Variants in ADGRB3 observed in about 807,000 individuals in gnomAD.
ADGRB3 encodes the protein adhesion G protein-coupled receptor B3.
ADGRB3 carries 37 observed loss-of-function variants against 193.4 expected under a neutral mutation model. The ratio of observed to expected loss-of-function variants is 0.19; its 90% CI spans 0.15 to 0.25. The LOEUF (loss-of-function observed/expected upper bound fraction) is 0.25, where lower values mean the gene tolerates loss of function less well. Ranked by LOEUF, ADGRB3 falls within the 10% of genes least tolerant of loss-of-function variation. ADGRB3 has a pLI of 1.00. For missense variants in ADGRB3, 1,637 were observed against 1,852.9 expected (o/e 0.88, Z 2.14); for synonymous variants, 690 against 644.2 (o/e 1.07, Z -1.08).
chr6:68,678,611 G>A (rs1764817814), intron 3 of ADGRB3, among the ~76,000 whole-genome samples: 1 of 152,120 alleles, frequency 6.6e-6, no homozygotes, highest in African/African-American at 2.4e-5. Flanking sequence ...GTTGGATGAA[G>A]TAAATGATCT....
chr6:68,893,675 C>A (rs1029454811), intron 3 of ADGRB3, among the ~76,000 whole-genome samples: 4 of 151,794 alleles, frequency 2.6e-5, no homozygotes, highest in South Asian at 2.1e-4. Context: ...TGAAACAAAG[C>A]GAGCATATTT....
chr6:69,190,492 C>T lies in ADGRB3; in HGVS notation c.2481-42798C>T, dbSNP rs140087191. 1.3e-3 allele frequency among the ~76,000 whole-genome samples: 194 copies of T among 151,638 alleles called. 3 individuals are homozygous for T. The highest frequency in any genetic ancestry group is 2.1e-4 in the Non-Finnish European group (14 of 67,880). ...CTGTGTTTTAAGTTATGTCTCAATA[C>T]GAGTCAAAAAGTTAAAAAATATTAA... On this transcript the variant is annotated intron_variant, in intron 17 of 31. Coordinates refer to ENST00000370598, the MANE Select transcript of ADGRB3 (RefSeq NM_001704.3).
At chr6:68,638,368 A>C (rs1768003483) in intron 2 of ADGRB3, among the ~76,000 whole-genome samples, 1 of 152,238 alleles carries the variant, frequency 6.6e-6, no homozygotes, top group East Asian at 1.9e-4. Flanking sequence ...ATGATAATGG[A>C]CGTGGAGGAT....
chr6:68,778,068 C>A (rs932854686), intron 3 of ADGRB3, among the ~76,000 whole-genome samples: 1 of 152,044 alleles, frequency 6.6e-6, no homozygotes, highest in Middle Eastern at 3.2e-3. Flanking sequence ...TGGAACTGGC[C>A]TTTTAGCCAG....
Position 69,362,357 on chromosome 6 carries a change from A to C in ADGRB3, c.4239+845A>C, listed in dbSNP as rs945639146. ...TTATTACATAAAACACTATCTACAG[A>C]AAGGCACTATAATTAGTTGCCTGCC... On this transcript the variant is annotated intron_variant, in intron 29 of 31. Transcript: ENST00000370598. 2.6e-5 allele frequency among the ~76,000 whole-genome samples: 4 copies of C among 152,112 alleles called. 1 individual carries two copies. The South Asian group carries it at 8.3e-4, about 31-fold the overall frequency.
intron 29 of ADGRB3, among the ~76,000 whole-genome samples, chr6:69,368,036 C>T (rs889447144): frequency 6.6e-6 from 1 of 150,924 alleles, no homozygotes; most frequent in Non-Finnish European, 1.5e-5. Context: ...GGGAGATATA[C>T]CTAATGCTAG....
intron 3 of ADGRB3, among the ~76,000 whole-genome samples, chr6:68,668,796 C>T (rs1461495596): frequency 1.3e-5 from 2 of 151,892 alleles, no homozygotes; most frequent in Admixed American, 1.3e-4. Context: ...TTTCTCTCTA[C>T]CTCCAAAGTA....
intron 3 of ADGRB3, among the ~76,000 whole-genome samples, chr6:68,899,818 G>T (rs968947037): frequency 6.6e-6 from 1 of 151,652 alleles, no homozygotes; most frequent in Non-Finnish European, 1.5e-5. Context: ...TTTTTCTAAG[G>T]TTTAATGTGG....
chr6:69,074,286 A>G (rs1167966828), intron 16 of ADGRB3, among the ~76,000 whole-genome samples: 2 of 152,202 alleles, frequency 1.3e-5, no homozygotes, highest in Non-Finnish European at 2.9e-5. Context: ...TGAATTTCAT[A>G]CATTTTAGAA....
At chr6:69,237,711 T>C (rs1477499792) in intron 19 of ADGRB3, among the ~76,000 whole-genome samples, 1 of 152,092 alleles carries the variant, frequency 6.6e-6, no homozygotes, top group Non-Finnish European at 1.5e-5. Context: ...CATAATGTCA[T>C]CTGTGTGTTT....
At chr6:68,872,518 T>C (rs1456942665) in intron 3 of ADGRB3, among the ~76,000 whole-genome samples, 1 of 152,146 alleles carries the variant, frequency 6.6e-6, no homozygotes, top group Non-Finnish European at 1.5e-5. Context: ...TTTAAAATGT[T>C]TCATCTTTCT....
chr6:69,236,293 A>C (rs1766265934), intron 19 of ADGRB3, among the ~76,000 whole-genome samples: 1 of 151,980 alleles, frequency 6.6e-6, no homozygotes. Context: ...ACCCATTAGC[A>C]CTGGTACATG....
chr6:69,340,043 A>T (rs1054398297), intron 26 of ADGRB3, among the ~76,000 whole-genome samples: 1 of 152,184 alleles, frequency 6.6e-6, no homozygotes, highest in Admixed American at 6.6e-5. Context: ...ATTGCTTTTG[A>T]TATGGATGTT....
chr6:69,134,081 A>G (rs1475910268), intron 17 of ADGRB3, among the ~76,000 whole-genome samples: 1 of 151,850 alleles, frequency 6.6e-6, no homozygotes, highest in Non-Finnish European at 1.5e-5. Flanking sequence ...TTATCCATTC[A>G]TTGGTTGATG....
intron 3 of ADGRB3, among the ~76,000 whole-genome samples, chr6:68,805,452 G>A (rs1002087108): frequency 6.6e-6 from 1 of 152,126 alleles, no homozygotes; most frequent in Non-Finnish European, 1.5e-5. Flanking sequence ...CCTGCTTAGT[G>A]AATAAAATTG....
intron 20 of ADGRB3, among the ~76,000 whole-genome samples, chr6:69,273,356 G>A (rs1767223856): frequency 6.6e-6 from 1 of 152,162 alleles, no homozygotes. Flanking sequence ...ATGTGGCCAT[G>A]TAGACTAGTG....
chr6:69,260,085 T>C (rs1698796147), intron 20 of ADGRB3, among the ~76,000 whole-genome samples: 1 of 152,216 alleles, frequency 6.6e-6, no homozygotes, highest in Admixed American at 6.5e-5. Context: ...TGATTTGTGC[T>C]CAGTTATAGA....
In ADGRB3 at chr6:69,298,379, T is replaced by G. The variant is rs927180544; in HGVS notation, c.2815-26493T>G. 2.6e-5 allele frequency among the ~76,000 whole-genome samples: 4 copies of G among 152,042 alleles called. No individual in the cohort carries two copies. In the East Asian group the frequency reaches 7.7e-4, roughly 29 times the overall value. Reference sequence around the variant, plus strand: ...TTTACGTATATATAATAATTGTATATATTTTCTGGGGTACATGTGAATTCT... The same window carrying G: ...TTTACGTATATATAATAATTGTATAGATTTTCTGGGGTACATGTGAATTCT... On this transcript the variant is annotated intron_variant, in intron 20 of 31. Coordinates refer to ENST00000370598, the MANE Select transcript of ADGRB3 (RefSeq NM_001704.3).
Position 69,014,099 on chromosome 6 carries a change from C to T in ADGRB3, c.1991C>T (p.Ala664Val), listed in dbSNP as rs1582394533. 6.2e-7 allele frequency: 1 copy of T among 1,601,670 alleles called. No individual in the cohort carries two copies. The highest frequency in any genetic ancestry group is 8.5e-7 in the Non-Finnish European group (1 of 1,172,496). Reference sequence around the variant, plus strand: ...GAAAACAAGGAAAAATGGGAAGATGCACAACAGGTAAGGTTAGGGTTATTT... The same window carrying T: ...GAAAACAAGGAAAAATGGGAAGATGTACAACAGGTAAGGTTAGGGTTATTT... ...DEENKEKWED[A>V]QQIYPGSIEL... The change falls in exon 12 of 32, where the codon GCA becomes GTA. Residue 664 changes from alanine to valine, a missense_variant. Physicochemically the swap from Ala to Val is moderately conservative, Grantham distance 64. Transcript: ENST00000370598.
Sources: allele counts gnomAD v4.1 joint callset (sites outside exome capture counted in the v4.1 genomes callset), GRCh38; gene constraint gnomAD v4.1.1; transcripts MANE v1.5; gene names NCBI Gene and HGNC (gene_info 2026-07-23, HGNC 2026-07-21).